Variants in TUBE1 observed in about 807,000 individuals in gnomAD.
TUBE1 encodes tubulin epsilon chain.
In TUBE1, 34 loss-of-function variants were observed where a neutral mutation model predicts 53.5. That is an observed-to-expected ratio of 0.64 (90% CI 0.48 to 0.85). TUBE1 has a LOEUF of 0.85. Ranked by LOEUF, TUBE1 falls within the 40% of genes least tolerant of loss-of-function variation. The pLI, the probability that TUBE1 is intolerant of heterozygous loss-of-function variation, is 0.00. For missense variants in TUBE1, 532 were observed against 570.5 expected, an observed-to-expected ratio of 0.93 and a Z score of 0.69; for synonymous variants, 177 against 198.4, an observed-to-expected ratio of 0.89 and a Z score of 0.91.
At chr6:112,084,009 G>C (rs114877245) in intron 4 of TUBE1, 180 bp downstream of exon 4, 1 of 590,344 alleles carries the variant, frequency 1.7e-6, no homozygotes, top group Non-Finnish European at 3.0e-6. Flanking sequence ...TTAAAGTATG[G>C]GCTTTTCCCC....
At chr6:112,079,432 A>AG (rs1159741011) in intron 6 of TUBE1, 19 of 432,560 alleles carry the variant, frequency 4.4e-5, no homozygotes, top group Middle Eastern at 6.2e-4. Flanking sequence ...AAAAAAAAAA[A>AG]AAAAGAAAAG....
chr6:112,079,499 T>C, intron 6 of TUBE1, 134 bp downstream of exon 6: 1 of 741,568 alleles, frequency 1.3e-6, no homozygotes, highest in East Asian at 3.0e-5. Context: ...TGTATGTTTA[T>C]ATACTCAAAC....
Position 112,076,113 on chromosome 6 carries a change from CTT to C in TUBE1, c.637-3_637-2del. On this transcript the variant is annotated splice_acceptor_variant and splice_polypyrimidine_tract_variant and intron_variant, in intron 7 of 11. Transcript: ENST00000368662. LOFTEE classifies it high-confidence loss of function. The stretch of plus-strand genomic sequence containing the variant: ...TTTTGCTAATGATGTCAAATAAAGA[CTT>C]TTGAGGGAAAAACATTGGGAGAGAA... The C allele has an allele frequency of 1.9e-6, 3 of 1,608,212 alleles. No individual in the cohort carries two copies. Among genetic ancestry groups the C allele is most frequent in the Middle Eastern group, 1.7e-4 (1 of 5,964 alleles).
Position 112,087,442 on chromosome 6 carries a change from C to A in TUBE1, c.-8G>T, listed in dbSNP as rs1554317589. ...GACCACCGACTGGGTCATGGTGGTG[C>A]GCCGCCGGCTCCGGGAGCTTGCTAG... is the stretch of plus-strand genomic sequence containing the variant. On this transcript the variant is annotated 5_prime_UTR_variant, in exon 1 of 12. Coordinates refer to ENST00000368662, the MANE Select transcript of TUBE1 (RefSeq NM_016262.5). 1 of 1,549,828 alleles carries A rather than the reference C, an allele frequency of 6.5e-7. No homozygotes were observed. The highest frequency in any genetic ancestry group is 1.4e-5 in the African/African-American group (1 of 72,988).
chr6:112,083,473 C>T (rs1340063132), intron 4 of TUBE1, among the ~76,000 whole-genome samples: 1 of 152,010 alleles, frequency 6.6e-6, no homozygotes, highest in Non-Finnish European at 1.5e-5. Flanking sequence ...TGCCCGCCAC[C>T]TCGCCCAGCT....
chr6:112,071,674 C>G, intron 11 of TUBE1, 104 bp from the exon 12 acceptor site: 1 of 1,057,690 alleles, frequency 9.5e-7, no homozygotes, highest in Non-Finnish European at 1.3e-6. Flanking sequence ...GTTCATTCAG[C>G]TCTACATTTG....
intron 6 of TUBE1, 47 bp downstream of exon 6, chr6:112,079,586 C>T: frequency 3.8e-6 from 6 of 1,592,866 alleles, no homozygotes; most frequent in Non-Finnish European, 5.1e-6. Flanking sequence ...AATGAATTCC[C>T]ACTTATCCTT....
Position 112,081,004 on chromosome 6 carries a change from C to T in TUBE1, c.326+88G>A, listed in dbSNP as rs1392874836. On this transcript the variant is annotated intron_variant, in intron 5 of 11. Transcript: ENST00000368662. ...CCTAGCATTATGTGGCAAATTACAT[C>T]CTGTTTCGTATCAGCAGAATCTCAC... 4.8e-6 allele frequency: 4 copies of T among 830,132 alleles called. No individual in the cohort carries two copies. The South Asian group carries it at 7.3e-5, about 15-fold the overall frequency. 51.4% of individuals were successfully genotyped at this position (830,132 alleles called of 1,614,324 possible). A position where few individuals can be genotyped will look rare whatever the true frequency, so the allele number is the denominator to read the frequency against.
chr6:112,076,653 T>C, intron 6 of TUBE1, 144 bp from the exon 7 acceptor site: 1 of 608,840 alleles, frequency 1.6e-6, no homozygotes, highest in Non-Finnish European at 2.6e-6. Context: ...CAATGCAGCC[T>C]TGACCTCCTA....
At chr6:112,084,007 T>C (rs1777110978) in intron 4 of TUBE1, 182 bp downstream of exon 4, 1 of 591,114 alleles carries the variant, frequency 1.7e-6, no homozygotes, top group African/African-American at 1.9e-5. Context: ...TTTTAAAGTA[T>C]GGGCTTTTCC....
At position 112,081,097 on chromosome 6, in the gene TUBE1, A is replaced by T. The variant is rs782640369; in HGVS notation, c.321T>A (p.Asn107Lys). 6.3e-7 allele frequency: 1 copy of T among 1,584,984 alleles called. No homozygotes were observed. The highest frequency in any genetic ancestry group is 2.2e-5 in the East Asian group (1 of 44,474). Residue 107 changes from asparagine (N) to lysine (K), a missense_variant, in exon 5 of 12, where the codon AAT becomes AAA. Coordinates refer to ENST00000368662, the MANE Select transcript of TUBE1 (RefSeq NM_016262.5). Reference sequence around the variant, plus strand: ...TTTACGCTGTGTATTCTCACCAATTATTTCCTGAGCCAGAAATATCAGTGA... The same window carrying T: ...TTTACGCTGTGTATTCTCACCAATTTTTTCCTGAGCCAGAAATATCAGTGA... Reference protein sequence around the residue: ...QLITDISGSGNNWAVGHKVFG... With the variant: ...QLITDISGSGKNWAVGHKVFG...
In TUBE1 at chr6:112,071,546, C is replaced by A. The variant is rs1554315334; in HGVS notation, c.1294G>T (p.Val432Phe). The A allele has an allele frequency of 6.2e-7, 1 of 1,610,746 alleles. No individual in the cohort carries two copies. The highest frequency in any genetic ancestry group is 1.3e-5 in the African/African-American group (1 of 74,832). ...AAACAGCTTTCTTCCATCCCTTCAA[C>A]TTGTAGATAGTGATGAAGGTGAGCC... ...KKAHLHHYLQ[V>F]EGMEESCFTE... Residue 432 changes from valine to phenylalanine, a missense_variant, in exon 12 of 12, where the codon GTT (valine) becomes TTT (phenylalanine). Val to Phe is a conservative substitution (Grantham distance 50). Transcript: ENST00000368662.
intron 5 of TUBE1, among the ~76,000 whole-genome samples, 169 bp from the exon 6 acceptor site, chr6:112,079,923 T>C (rs1230084487): frequency 1.3e-5 from 2 of 151,820 alleles, no homozygotes; most frequent in African/African-American, 4.8e-5. Context: ...CTGAAGATAC[T>C]AGATAGAAAA....
intron 4 of TUBE1, among the ~76,000 whole-genome samples, chr6:112,083,320 A>ATTTT (rs587770144): frequency 1.5e-5 from 2 of 131,458 alleles, no homozygotes; most frequent in East Asian, 2.2e-4. Flanking sequence ...CTTCCATAAC[A>ATTTT]TTTTTTTTTT....
chr6:112,085,514 G>C, intron 3 of TUBE1: 1 of 367,328 alleles, frequency 2.7e-6, no homozygotes, highest in Admixed American at 3.4e-5. Context: ...CTTAGCAAGA[G>C]AAGCGCCGGA....
At chr6:112,076,198 T>C in intron 7 of TUBE1, 86 bp from the exon 8 acceptor site, 1 of 1,480,340 alleles carries the variant, frequency 6.8e-7, no homozygotes, top group Non-Finnish European at 9.1e-7. Context: ...AGAAAAACAA[T>C]TTAAACTGAT....
At chr6:112,087,142 G>T in intron 2 of TUBE1, 91 bp downstream of exon 2, 1 of 1,127,598 alleles carries the variant, frequency 8.9e-7, no homozygotes, top group Non-Finnish European at 1.3e-6. Context: ...ATCTTAAACG[G>T]GTCAGATGAA....
intron 3 of TUBE1, chr6:112,085,866 T>G (rs1345649591): frequency 5.9e-6 from 2 of 338,628 alleles, no homozygotes; most frequent in Non-Finnish European, 1.2e-5. Context: ...TGCAAGCCAG[T>G]GCCCTAGATA....
chr6:112,085,514 GA>G, intron 3 of TUBE1: 1 of 367,334 alleles, frequency 2.7e-6, no homozygotes, highest in Non-Finnish European at 5.4e-6. Flanking sequence ...CTTAGCAAGA[GA>G]AGCGCCGGAA....
Sources: allele counts gnomAD v4.1 joint callset (sites outside exome capture counted in the v4.1 genomes callset), GRCh38; gene constraint gnomAD v4.1.1; transcripts MANE v1.5; gene names NCBI Gene and HGNC (gene_info 2026-07-23, HGNC 2026-07-21).